Variants in PPP1R14B observed in about 807,000 individuals in gnomAD.
PPP1R14B encodes the protein protein phosphatase 1 regulatory inhibitor subunit 14B, also known as protein phosphatase 1 regulatory subunit 14B.
PPP1R14B carries 4 observed loss-of-function variants against 14.7 expected under a neutral mutation model. The ratio of observed to expected loss-of-function variants is 0.27; its 90% confidence interval spans 0.13 to 0.62. The LOEUF is 0.62. PPP1R14B is among the 20% of genes least tolerant of loss of function. The pLI, the probability that PPP1R14B is intolerant of heterozygous loss-of-function variation, is 0.85. For synonymous variants in PPP1R14B, 76 were observed against 87.3 expected (o/e 0.87, Z 0.72); for missense variants, 138 against 201.5 (o/e 0.68, Z 1.91).
At position 64,246,538 on chromosome 11, in the gene PPP1R14B, C is replaced by T. The variant is rs2030884487; in HGVS notation, c.136G>A (p.Asp46Asn). ...CCTTGGCGCCTCACTGGGCCCTCAT[C>T]GTCCGCCCCGCCCGGGCCCTCTCCT... ...AAGEGPGGAD[D>N]EGPVRRQGKV... The change falls in exon 1 of 4, where the codon GAT (aspartate) becomes AAT (asparagine). Residue 46 changes from aspartate to asparagine, a missense_variant. Asp to Asn is a conservative substitution (Grantham distance 23). Transcript: ENST00000309318. The T allele has an allele frequency of 3.1e-6, 5 of 1,609,304 alleles. No individual in the cohort carries two copies. Among genetic ancestry groups the T allele is most frequent in the Non-Finnish European group, 4.2e-6 (5 of 1,179,030 alleles).
rs1045172273 is a variant in PPP1R14B at position 64,244,655 on chromosome 11, C to T, written c.*99G>A. On this transcript the variant is annotated 3_prime_UTR_variant, in exon 4 of 4. Transcript: ENST00000309318. ...GGCACGAGGAGCCCTGCTCATGGCA[C>T]CAGGCCTGGCCGCAGGGTCCCCCGG... 5 of 1,548,876 alleles carry T rather than the reference C, an allele frequency of 3.2e-6. No homozygotes were observed. Among genetic ancestry groups the T allele is most frequent in the Admixed American group, 3.5e-5 (2 of 56,430 alleles).
chr11:64,246,269 T>C (rs2030874597), intron 1 of PPP1R14B, 147 bp downstream of exon 1: 3 of 1,058,858 alleles, frequency 2.8e-6, no homozygotes, highest in East Asian at 2.7e-5. Flanking sequence ...AAAGAGTATA[T>C]ATTGGGGGCG....
At position 64,245,062 on chromosome 11, in the gene PPP1R14B, A is replaced by C; in HGVS notation, c.343-100T>G. On this transcript the variant is annotated intron_variant, in intron 2 of 3. Coordinates refer to ENST00000309318, the MANE Select transcript of PPP1R14B (RefSeq NM_138689.3). ...CAAGAGACTGGGGCCACCCTGAGGC[A>C]CAGGAGATGCCACAACAACCTCACA... 4 of 1,461,262 alleles carry C rather than the reference A, an allele frequency of 2.7e-6. No homozygotes were observed. The South Asian group carries it at 5.1e-5, about 19-fold the overall frequency. 90.5% of individuals were successfully genotyped at this position (1,461,262 alleles called of 1,614,324 possible).
In PPP1R14B at chr11:64,244,555, C is replaced by T. The variant is rs2030790891; in HGVS notation, c.*199G>A. On this transcript the variant is annotated 3_prime_UTR_variant, in exon 4 of 4. Transcript: ENST00000309318. ...AGTCAATATAAAAACACAAAAAGTCCCATCAGTTTAATAACAATAAAAAAC... is the reference window on the plus strand; with the variant it reads ...AGTCAATATAAAAACACAAAAAGTCTCATCAGTTTAATAACAATAAAAAAC... 2.2e-6 allele frequency: 3 copies of T among 1,345,980 alleles called. No individual in the cohort carries two copies. The highest frequency in any genetic ancestry group is 2.9e-5 in the Admixed American group (1 of 34,794). The allele number at this position is 1,345,980 out of a possible 1,614,324, so 83.4% of individuals were successfully genotyped here.
rs1005237106 is a variant in PPP1R14B at position 64,244,496 on chromosome 11, G to C, written c.*258C>G. Reference sequence around the variant, plus strand: ...CGAGCCTGTTAGCTGCACCAAAGGCGTATCCTAGCTTTATTAAAGGGCCCG... The same window carrying C: ...CGAGCCTGTTAGCTGCACCAAAGGCCTATCCTAGCTTTATTAAAGGGCCCG... On this transcript the variant is annotated 3_prime_UTR_variant, in exon 4 of 4. Transcript: ENST00000309318. 3 of 1,077,444 alleles carry C rather than the reference G, an allele frequency of 2.8e-6. No homozygotes were observed. Among genetic ancestry groups the C allele is most frequent in the Non-Finnish European group, 3.8e-6 (3 of 783,946 alleles). The allele number at this position is 1,077,444 out of a possible 1,614,324, so 66.7% of individuals were successfully genotyped here.
chr11:64,246,450 A>T lies in PPP1R14B; in HGVS notation c.224T>A (p.Ile75Asn). 1.9e-6 allele frequency: 3 copies of T among 1,609,538 alleles called. No homozygotes were observed. Among genetic ancestry groups the T allele is most frequent in the Non-Finnish European group, 2.5e-6 (3 of 1,178,900 alleles). Residue 75 changes from isoleucine to asparagine, a missense_variant, in exon 1 of 4, where the codon ATC becomes AAC. Ile to Asn is a moderately radical substitution (Grantham distance 149, BLOSUM62 -3). Transcript: ENST00000309318. ...GTAGAGGCGCGTGAGCTGCTCCAGG[A>T]TCCACTCCTCTAGGTTGAGGCGCTT... is the stretch of plus-strand genomic sequence containing the variant. The part of the protein sequence containing the change: ...LRKRLNLEEW[I>N]LEQLTRLYDC...
intron 1 of PPP1R14B, 200 bp from the exon 2 acceptor site, chr11:64,245,487 A>C: frequency 2.6e-6 from 1 of 385,222 alleles, no homozygotes; most frequent in Non-Finnish European, 4.5e-6. Context: ...TGGGGGGGGG[A>C]GCTTCCTGTC....
At chr11:64,245,127 G>T in intron 2 of PPP1R14B, 77 bp downstream of exon 2, 1 of 1,533,772 alleles carries the variant, frequency 6.5e-7, no homozygotes, top group African/African-American at 1.4e-5. Flanking sequence ...AGGAGCTGGG[G>T]CTTGAGGGCC....
At chr11:64,245,367 C>A (rs759849764) in intron 1 of PPP1R14B, 80 bp from the exon 2 acceptor site, 2 of 1,221,474 alleles carry the variant, frequency 1.6e-6, no homozygotes, top group South Asian at 1.4e-5. Flanking sequence ...GGGTTGAGGC[C>A]CCTGCCTACC....
chr11:64,245,990 C>G (rs1434909141), intron 1 of PPP1R14B: 1 of 168,988 alleles, frequency 5.9e-6, no homozygotes, highest in Non-Finnish European at 1.3e-5. Flanking sequence ...GCACGCACGC[C>G]AAGATGGAGC....
intron 1 of PPP1R14B, 73 bp from the exon 2 acceptor site, chr11:64,245,360 T>A: frequency 7.8e-7 from 1 of 1,287,446 alleles, no homozygotes; most frequent in Non-Finnish European, 1.1e-6. Context: ...GGGCTCTGGG[T>A]TGAGGCCCCT....
intron 3 of PPP1R14B, 49 bp downstream of exon 3, chr11:64,244,881 G>C (rs747699319): frequency 1.2e-6 from 2 of 1,612,010 alleles, no homozygotes; most frequent in East Asian, 2.2e-5. Flanking sequence ...ACAGGAGCCG[G>C]GCTCCCCTCA....
At position 64,246,699 on chromosome 11, in the gene PPP1R14B, C is replaced by T; in HGVS notation, c.-26G>A. ...GGCGGCCGCCGGGGCCACGTGCGAG[C>T]GTCGGGCCCCTCCCTGCGCCACCGC... On this transcript the variant is annotated 5_prime_UTR_variant, in exon 1 of 4. Transcript: ENST00000309318. 1 of 1,050,288 alleles carries T rather than the reference C, an allele frequency of 9.5e-7. No individual in the cohort carries two copies. The allele number at this position is 1,050,288 out of a possible 1,614,324, so 65.1% of individuals were successfully genotyped here.
At chr11:64,246,378 G>A (rs749970091) in intron 1 of PPP1R14B, 38 bp downstream of exon 1, 1 of 1,582,714 alleles carries the variant, frequency 6.3e-7, no homozygotes, top group Admixed American at 1.8e-5. Flanking sequence ...ACCGGCGCGA[G>A]ACCGATTTTG....
intron 1 of PPP1R14B, 93 bp downstream of exon 1, chr11:64,246,322 CT>C: frequency 6.6e-7 from 1 of 1,508,234 alleles, no homozygotes; most frequent in Non-Finnish European, 8.9e-7. Context: ...GCAAAGCGCC[CT>C]TTGACTCCAG....
In PPP1R14B at chr11:64,245,210, C is replaced by G. The variant is rs768777921; in HGVS notation, c.336G>C (p.Arg112Ser). Residue 112 changes from arginine (R) to serine (S), a missense_variant, in exon 2 of 4, where the codon AGG (arginine) becomes AGC (serine). By Grantham distance (110) the Arg-to-Ser change is moderately radical (BLOSUM62 -1). Transcript: ENST00000309318. Reference protein sequence around the residue: ...DMESDDARAARVKELLVDCYK... With the variant: ...DMESDDARAASVKELLVDCYK... Reference sequence around the variant, plus strand: ...CGCCCCCCAGCCCCCTCACCTTGACCCTGGCAGCCCGGGCATCGTCACTCT... The same window carrying G: ...CGCCCCCCAGCCCCCTCACCTTGACGCTGGCAGCCCGGGCATCGTCACTCT... The G allele has an allele frequency of 2.5e-6, 4 of 1,613,480 alleles. No homozygotes were observed. In the South Asian group the frequency reaches 4.4e-5, roughly 18 times the overall value.
chr11:64,246,293 G>A, intron 1 of PPP1R14B, 123 bp downstream of exon 1: 12 of 1,345,310 alleles, frequency 8.9e-6, no homozygotes, highest in Non-Finnish European at 1.2e-5. Flanking sequence ...GTGCAGAGGG[G>A]AGGGGAGCGC....
intron 1 of PPP1R14B, 57 bp downstream of exon 1, chr11:64,246,359 G>A: frequency 1.3e-6 from 2 of 1,554,230 alleles, no homozygotes; most frequent in Non-Finnish European, 8.7e-7. Context: ...CAGTGGAGCT[G>A]CCAGGCGGAC....
At chr11:64,245,152 C>T (rs1234271845) in intron 2 of PPP1R14B, 52 bp downstream of exon 2, 50 of 1,586,848 alleles carry the variant, frequency 3.2e-5, no homozygotes, top group Non-Finnish European at 1.5e-5. Flanking sequence ...TCCACAGCCT[C>T]ACTTTCCCGG....
Sources: gnomAD v4.1 joint callset for allele counts on GRCh38, gnomAD v4.1.1 for gene constraint, MANE v1.5 for transcripts, NCBI Gene and HGNC (gene_info 2026-07-23, HGNC 2026-07-21) for gene names.